Variants in RBFOX1 observed in about 807,000 individuals in gnomAD.
RBFOX1 encodes RNA binding protein fox-1 homolog 1.
Under a neutral mutation model 57.7 loss-of-function variants are expected in RBFOX1, and 8 were observed. The ratio of observed to expected loss-of-function variants is 0.14; its 90% CI spans 0.08 to 0.25. The LOEUF is 0.25. Ranked by LOEUF, RBFOX1 falls within the 10% of genes least tolerant of loss-of-function variation. The pLI is 1.00. For missense variants in RBFOX1, 611 were observed against 548.5 expected, an observed-to-expected ratio of 1.11 and a Z score of -1.14; for synonymous variants, 326 against 222.4, an observed-to-expected ratio of 1.47 and a Z score of -4.15.
intron 1 of RBFOX1, among the ~76,000 whole-genome samples, chr16:5,315,126 G>A (rs2064200098): frequency 6.6e-6 from 1 of 152,108 alleles, no homozygotes; most frequent in Admixed American, 6.5e-5. Context: ...TTTGGAAGAC[G>A]CATAAAGTGA....
rs1040603058 is a variant in RBFOX1 at position 6,206,987 on chromosome 16, T to C, written c.-126-110008T>C. ...AACTGGAATGTGATCAGAAAGCTAC[T>C]TTTTTTTTTTTTCAGGTGCACTTGC... On this transcript the variant is annotated intron_variant, in intron 1 of 15. Coordinates refer to ENST00000550418, the MANE Select transcript of RBFOX1 (RefSeq NM_018723.4). Among the ~76,000 whole-genome samples the C allele has an allele frequency of 3.9e-3, 8 of 2,064 alleles. 1 individual carries two copies. Among genetic ancestry groups the C allele is most frequent in the African/African-American group, 4.6e-3 (8 of 1,748 alleles). The allele number at this position is 2,064 out of a possible 152,430, so 1.4% of individuals were successfully genotyped here.
intron 2 of RBFOX1, among the ~76,000 whole-genome samples, chr16:6,566,645 C>T (rs748708698): frequency 4.6e-5 from 7 of 152,126 alleles, no homozygotes; most frequent in Non-Finnish European, 1.0e-4. Flanking sequence ...ATTTTGACCC[C>T]TTTACGCACA....
At chr16:7,709,796 C>G in intron 15 of RBFOX1, 5 of 1,248,176 alleles carry the variant, frequency 4.0e-6, no homozygotes, top group Non-Finnish European at 5.1e-6. Context: ...GTGGGGTGAA[C>G]TTGCCTGTAC....
intron 1 of RBFOX1, among the ~76,000 whole-genome samples, chr16:5,244,682 T>A (rs1172763539): frequency 6.6e-6 from 1 of 152,324 alleles, no homozygotes; most frequent in East Asian, 1.9e-4. Context: ...CTCTTGTAAT[T>A]TGTGAGGCAG....
intron 4 of RBFOX1, among the ~76,000 whole-genome samples, chr16:5,980,845 T>TCGGGCAA (rs71404567): frequency 0.11 from 17,204 of 152,090 alleles, 993 homozygotes; most frequent in South Asian, 0.13. Context: ...AGACACTTTG[T>TCGGGCAA]CGGGCAACGC....
At chr16:6,931,360 C>CACACACACACACACAT (rs112897436) in intron 3 of RBFOX1, among the ~76,000 whole-genome samples, 22 of 146,670 alleles carry the variant, frequency 1.5e-4, no homozygotes, top group African/African-American at 5.1e-4. Context: ...CACACACACA[C>CACACACACACACACAT]ACATACATAC....
intron 3 of RBFOX1, among the ~76,000 whole-genome samples, chr16:5,655,060 G>A (rs1478463081): frequency 1.3e-5 from 2 of 152,180 alleles, no homozygotes; most frequent in African/African-American, 2.4e-5. Context: ...ACACACTAGG[G>A]CGCATCTGTC....
intron 14 of RBFOX1, among the ~76,000 whole-genome samples, chr16:7,701,839 T>A (rs960884152): frequency 6.6e-6 from 1 of 152,220 alleles, no homozygotes; most frequent in Non-Finnish European, 1.5e-5. Flanking sequence ...ACAGGAACAT[T>A]TCCTAGATAA....
At chr16:5,321,781 G>A (rs1253942938) in intron 1 of RBFOX1, among the ~76,000 whole-genome samples, 2 of 152,162 alleles carry the variant, frequency 1.3e-5, no homozygotes, top group Admixed American at 1.3e-4. Context: ...AGAAGAGAAT[G>A]TGCACGGCGT....
rs117454646 is a variant in RBFOX1, at chr16:6,747,254, T to C, written c.-16+92604T>C. Among the ~76,000 whole-genome samples, 830 of 152,122 alleles carry C rather than the reference T, an allele frequency of 5.5e-3. 18 individuals carry two copies. The East Asian group carries it at 0.074, about 14-fold the overall frequency. Reference sequence around the variant, plus strand: ...GAAAACCCCGTCTCTACTAAAAATATACAAATTAGCCTGGCATGGTGGTGT... The same window carrying C: ...GAAAACCCCGTCTCTACTAAAAATACACAAATTAGCCTGGCATGGTGGTGT... On this transcript the variant is annotated intron_variant, in intron 3 of 15. Coordinates refer to ENST00000550418, the MANE Select transcript of RBFOX1 (RefSeq NM_018723.4).
chr16:5,449,479 A>G (rs1040146104), intron 1 of RBFOX1, among the ~76,000 whole-genome samples: 2 of 152,170 alleles, frequency 1.3e-5, no homozygotes, highest in African/African-American at 4.8e-5. Flanking sequence ...AAACACTACA[A>G]GGTTTGGAGA....
At chr16:6,445,627 G>A (rs1415979964) in intron 2 of RBFOX1, among the ~76,000 whole-genome samples, 1 of 143,724 alleles carries the variant, frequency 7.0e-6, no homozygotes, top group Non-Finnish European at 1.5e-5. Context: ...TCTGTTGCCA[G>A]GATGGCATGC....
At chr16:7,070,837 GCA>G (rs1419175000) in intron 4 of RBFOX1, among the ~76,000 whole-genome samples, 1 of 152,124 alleles carries the variant, frequency 6.6e-6, no homozygotes, top group African/African-American at 2.4e-5. Context: ...GAACCTAACT[GCA>G]CAGACACCAA....
At chr16:6,746,870 A>G (rs925016338) in intron 3 of RBFOX1, among the ~76,000 whole-genome samples, 3 of 152,094 alleles carry the variant, frequency 2.0e-5, no homozygotes, top group Non-Finnish European at 4.4e-5. Flanking sequence ...TCAAATGTTG[A>G]TGTCCAGTTC....
intron 4 of RBFOX1, among the ~76,000 whole-genome samples, chr16:5,924,909 T>C (rs2058910298): frequency 6.6e-6 from 1 of 152,176 alleles, no homozygotes. Flanking sequence ...GGGAGCTCAG[T>C]AAAGACTAGA....
intron 1 of RBFOX1, among the ~76,000 whole-genome samples, chr16:6,060,297 A>T (rs900973552): frequency 2.0e-5 from 3 of 152,094 alleles, no homozygotes; most frequent in African/African-American, 2.4e-5. Flanking sequence ...CCATTTGTTC[A>T]TCTGTAAAAT....
intron 2 of RBFOX1, among the ~76,000 whole-genome samples, chr16:6,588,892 G>A (rs1567790625): frequency 6.6e-6 from 1 of 152,136 alleles, no homozygotes; most frequent in African/African-American, 2.4e-5. Flanking sequence ...ATGATGTGTG[G>A]CAGTAAAGTT....
intron 3 of RBFOX1, among the ~76,000 whole-genome samples, chr16:6,949,076 G>C (rs992813867): frequency 2.0e-5 from 3 of 152,134 alleles, no homozygotes; most frequent in African/African-American, 7.2e-5. Flanking sequence ...CAAAGCTATT[G>C]TCAAGGTTTC....
At chr16:5,455,768 C>T (rs982017460) in intron 1 of RBFOX1, among the ~76,000 whole-genome samples, 2 of 152,152 alleles carry the variant, frequency 1.3e-5, no homozygotes, top group African/African-American at 4.8e-5. Flanking sequence ...GGACACAATA[C>T]TGACCAAGAA....
Sources: allele counts gnomAD v4.1 joint callset (sites outside exome capture counted in the v4.1 genomes callset), GRCh38; gene constraint gnomAD v4.1.1; transcripts MANE v1.5; gene names NCBI Gene and HGNC (gene_info 2026-07-23, HGNC 2026-07-21).